The following LRP12 variants were observed in gnomAD, a reference collection of about 807,000 sequenced individuals.
LRP12 encodes low-density lipoprotein receptor-related protein 12.
In LRP12, 14 loss-of-function variants were observed where a neutral mutation model predicts 66.0. That is an observed-to-expected ratio of 0.21 (90% CI 0.14 to 0.33). The LOEUF (loss-of-function observed/expected upper bound fraction) is 0.33. LRP12 is among the 10% of genes least tolerant of loss of function. LRP12 has a pLI of 1.00. For synonymous variants in LRP12, 357 were observed against 359.1 expected (o/e 0.99, Z 0.07); for missense variants, 889 against 1,053.4 (o/e 0.84, Z 2.16).
At chr8:104,567,896 T>C (rs1588508039) in intron 1 of LRP12, among the ~76,000 whole-genome samples, 1 of 152,178 alleles carries the variant, frequency 6.6e-6, no homozygotes, top group African/African-American at 2.4e-5. Flanking sequence ...CCTAGCTACC[T>C]TCCCCTGTGC....
intron 1 of LRP12, among the ~76,000 whole-genome samples, chr8:104,559,250 T>C (rs1215165046): frequency 1.3e-5 from 2 of 152,174 alleles, no homozygotes; most frequent in African/African-American, 4.8e-5. Flanking sequence ...GTGGTATACA[T>C]ATACCATGGA....
chr8:104,587,966 T>C (rs1347687836), intron 1 of LRP12, among the ~76,000 whole-genome samples: 1 of 152,202 alleles, frequency 6.6e-6, no homozygotes, highest in Admixed American at 6.5e-5. Context: ...TCTTAAGAGA[T>C]AGATGTTCTT....
At chr8:104,515,972 T>C (rs1481417576) in intron 2 of LRP12, among the ~76,000 whole-genome samples, 2 of 152,220 alleles carry the variant, frequency 1.3e-5, no homozygotes. Context: ...CAGGCTGGTC[T>C]TGAACTCTTG....
At chr8:104,543,121 A>G (rs1342275767) in intron 1 of LRP12, among the ~76,000 whole-genome samples, 2 of 152,000 alleles carry the variant, frequency 1.3e-5, no homozygotes, top group East Asian at 1.9e-4. Context: ...AAACTTTTAT[A>G]TACTTAAGTA....
At chr8:104,501,414 T>A (rs766396151) in intron 3 of LRP12, among the ~76,000 whole-genome samples, 1 of 152,088 alleles carries the variant, frequency 6.6e-6, no homozygotes, top group Non-Finnish European at 1.5e-5. Flanking sequence ...CCTTTTATAT[T>A]CTTGGCCGGG....
intron 1 of LRP12, among the ~76,000 whole-genome samples, chr8:104,560,269 T>C (rs2140886742): frequency 6.6e-6 from 1 of 152,218 alleles, no homozygotes; most frequent in Non-Finnish European, 1.5e-5. Context: ...TCACAGTTAC[T>C]GAAGAACAGA....
Position 104,540,859 on chromosome 8 carries a change from G to A in LRP12, c.80-8896C>T, listed in dbSNP as rs1407208158. On this transcript the variant is annotated intron_variant, in intron 1 of 6. Transcript: ENST00000276654. The stretch of plus-strand genomic sequence containing the variant: ...AGCAATTCTCCTGCCTCAGCCTCCC[G>A]AATAGCTGGGATTACAGGCACGTGC... 7.2e-5 allele frequency among the ~76,000 whole-genome samples: 11 copies of A among 152,044 alleles called. No individual in the cohort carries two copies. The South Asian group carries it at 8.3e-4, about 11-fold the overall frequency.
chr8:104,499,787 C>T (rs1175950196), intron 3 of LRP12, among the ~76,000 whole-genome samples: 1 of 151,818 alleles, frequency 6.6e-6, no homozygotes, highest in Non-Finnish European at 1.5e-5. Context: ...CAGTTGGCAC[C>T]TTTTCTTTTT....
In LRP12 at chr8:104,497,626, G is replaced by T. The variant is rs747974135; in HGVS notation, c.926C>A (p.Thr309Asn). The T allele has an allele frequency of 1.2e-6, 2 of 1,614,040 alleles. No homozygotes were observed. Among genetic ancestry groups the T allele is most frequent in the Admixed American group, 3.3e-5 (2 of 60,014 alleles). Reference sequence around the variant, plus strand: ...TATTTTGACATAATCACCATAACCAGTACCATCAAGTTTAAAGTCAGTGAA... The same window carrying T: ...TATTTTGACATAATCACCATAACCATTACCATCAAGTTTAAAGTCAGTGAA... The part of the protein sequence containing the change: ...LRFTDFKLDG[T>N]GYGDYVKIYD... Residue 309 changes from threonine (T) to asparagine (N), a missense_variant, in exon 5 of 7, where the codon ACT becomes AAT. Thr to Asn is a moderately conservative substitution (Grantham distance 65). Transcript: ENST00000276654. The surrounding 1 kb of genome is among the most constrained non-coding windows in gnomAD (Gnocchi z 4.3).
At chr8:104,540,774 G>A (rs1811464338) in intron 1 of LRP12, among the ~76,000 whole-genome samples, 1 of 152,050 alleles carries the variant, frequency 6.6e-6, no homozygotes, top group African/African-American at 2.4e-5. Flanking sequence ...TCGCTCTGTC[G>A]CTAGGCTAGA....
intron 2 of LRP12, among the ~76,000 whole-genome samples, chr8:104,518,643 A>G (rs1342387877): frequency 6.6e-6 from 1 of 152,108 alleles, no homozygotes; most frequent in African/African-American, 2.4e-5. Context: ...TAAAGCTTCT[A>G]AAGATTGATT....
At chr8:104,529,030 C>T (rs1811287972) in intron 2 of LRP12, among the ~76,000 whole-genome samples, 1 of 152,090 alleles carries the variant, frequency 6.6e-6, no homozygotes, top group Non-Finnish European at 1.5e-5. Context: ...TTTGTTATGG[C>T]CTGAAATGTG....
intron 2 of LRP12, among the ~76,000 whole-genome samples, chr8:104,527,209 T>C (rs1415443188): frequency 4.9e-5 from 7 of 143,982 alleles, no homozygotes; most frequent in African/African-American, 1.1e-4. Flanking sequence ...TGTGGAGAAA[T>C]AGGAACACTT....
At chr8:104,508,594 T>G (rs1011638916) in intron 3 of LRP12, 1 of 179,674 alleles carries the variant, frequency 5.6e-6, no homozygotes, top group African/African-American at 2.4e-5. Flanking sequence ...GAGCTAGATA[T>G]CCAAGTGAAT....
intron 3 of LRP12, chr8:104,504,749 T>C (rs1256110223): frequency 1.3e-5 from 2 of 152,206 alleles, no homozygotes; most frequent in East Asian, 1.9e-4. Flanking sequence ...GTATTCTTTG[T>C]TGAAATAAGT....
intron 2 of LRP12, among the ~76,000 whole-genome samples, chr8:104,510,645 C>G (rs1810978257): frequency 6.6e-6 from 1 of 152,076 alleles, no homozygotes; most frequent in African/African-American, 2.4e-5. Context: ...AATTAGATTA[C>G]TTGATTTTAA....
chr8:104,521,289 G>A (rs1811147100), intron 2 of LRP12, among the ~76,000 whole-genome samples: 1 of 151,330 alleles, frequency 6.6e-6, no homozygotes, highest in Admixed American at 6.6e-5. Context: ...TTGATTTTTG[G>A]ATTTTCAGAT....
At chr8:104,516,169 T>C (rs1241971072) in intron 2 of LRP12, among the ~76,000 whole-genome samples, 1 of 152,206 alleles carries the variant, frequency 6.6e-6, no homozygotes, top group Non-Finnish European at 1.5e-5. Flanking sequence ...CTACTTTTTA[T>C]AAATTTTCTA....
At chr8:104,577,581 C>T (rs757389371) in intron 1 of LRP12, among the ~76,000 whole-genome samples, 1 of 152,106 alleles carries the variant, frequency 6.6e-6, no homozygotes, top group Non-Finnish European at 1.5e-5. Context: ...GAGGCCAAGG[C>T]AGGCAGATCA....
Sources: allele counts gnomAD v4.1 joint callset (sites outside exome capture counted in the v4.1 genomes callset), GRCh38; gene constraint gnomAD v4.1.1; non-coding constraint Gnocchi (gnomAD v3.1); transcripts MANE v1.5; gene names NCBI Gene and HGNC (gene_info 2026-07-23, HGNC 2026-07-21).